Variants in KIF16B observed in about 807,000 individuals in gnomAD.
KIF16B encodes kinesin-like protein KIF16B.
A neutral mutation model predicts 156.3 loss-of-function variants in KIF16B; 98 were observed. The observed-to-expected ratio is 0.63, with a 90% CI of 0.53 to 0.74. The LOEUF is 0.74. KIF16B is among the 30% of genes least tolerant of loss of function. KIF16B has a pLI of 0.00. For missense variants in KIF16B, 1,421 were observed against 1,606.5 expected (o/e 0.88, Z 1.97); for synonymous variants, 564 against 583.7 (o/e 0.97, Z 0.49).
At chr20:16,353,926 T>C (rs1300539147) in intron 23 of KIF16B, among the ~76,000 whole-genome samples, 3 of 152,186 alleles carry the variant, frequency 2.0e-5, no homozygotes, top group Non-Finnish European at 4.4e-5. Flanking sequence ...CTCATAATTA[T>C]AGCACCTAGG....
At chr20:16,373,368 T>A (rs987138934) in intron 20 of KIF16B, among the ~76,000 whole-genome samples, 3 of 152,228 alleles carry the variant, frequency 2.0e-5, no homozygotes, top group African/African-American at 7.2e-5. Flanking sequence ...TATCTAGGGT[T>A]CAAGACTGTC....
chr20:16,528,286 C>T, intron 2 of KIF16B, 85 bp downstream of exon 2: 1 of 1,023,764 alleles, frequency 9.8e-7, no homozygotes, highest in Non-Finnish European at 1.5e-6. Context: ...AAACAGCAGA[C>T]AGGCTTTATT....
intron 23 of KIF16B, among the ~76,000 whole-genome samples, chr20:16,350,893 G>GT (rs940892598): frequency 1.5e-5 from 2 of 131,922 alleles, no homozygotes; most frequent in African/African-American, 7.8e-5. Context: ...GGTGGGCACT[G>GT]GGGGGGGGTC....
chr20:16,286,575 T>C (rs2063225769), intron 25 of KIF16B, among the ~76,000 whole-genome samples: 1 of 152,184 alleles, frequency 6.6e-6, no homozygotes, highest in African/African-American at 2.4e-5. Context: ...CTTTCTCCTA[T>C]ACTTATTCAT....
chr20:16,460,977 T>C (rs1029644366), intron 12 of KIF16B, among the ~76,000 whole-genome samples: 6 of 151,974 alleles, frequency 3.9e-5, no homozygotes, highest in African/African-American at 1.4e-4. Flanking sequence ...TAAATAGAAA[T>C]AAAATGTGTA....
At chr20:16,375,097 TA>T (rs2064914628) in intron 19 of KIF16B, among the ~76,000 whole-genome samples, 1 of 152,180 alleles carries the variant, frequency 6.6e-6, no homozygotes, top group African/African-American at 2.4e-5. Flanking sequence ...TGATAAGTGA[TA>T]CATCTATATG....
intron 3 of KIF16B, among the ~76,000 whole-genome samples, chr20:16,519,701 A>G (rs2069265591): frequency 6.6e-6 from 1 of 152,234 alleles, no homozygotes; most frequent in Admixed American, 6.5e-5. Flanking sequence ...AAACTGCAAG[A>G]AACAAGTACT....
chr20:16,283,829 C>T (rs922607821), intron 25 of KIF16B, among the ~76,000 whole-genome samples: 3 of 152,228 alleles, frequency 2.0e-5, no homozygotes, highest in African/African-American at 7.2e-5. Context: ...TGGGGAAGAA[C>T]CACTTCCAAA....
chr20:16,277,459 T>TTA (rs60624017), intron 25 of KIF16B, among the ~76,000 whole-genome samples: 25,627 of 143,744 alleles, frequency 0.18, 2,954 homozygotes, highest in East Asian at 0.46. Context: ...TATGTACATA[T>TTA]TATATATATA....
Position 16,444,915 on chromosome 20 carries a change from T to C in KIF16B, c.1303-14933A>G, listed in dbSNP as rs180677839. Among the ~76,000 whole-genome samples the C allele has an allele frequency of 2.8e-3, 434 of 152,362 alleles. 1 individual carries two copies. The highest frequency in any genetic ancestry group is 1.0e-2 in the African/African-American group (415 of 41,580). On this transcript the variant is annotated intron_variant, in intron 12 of 25. Coordinates refer to ENST00000354981, the MANE Select transcript of KIF16B (RefSeq NM_024704.5). ...AAAACCTTCCTTGAAGCTTCTATTC[T>C]AAATAAACTAAGTTCTTTACTGAAC...
Position 16,377,412 on chromosome 20 carries a change from A to AAAAT in KIF16B, c.3197+1389_3197+1392dup, listed in dbSNP as rs377190523. Among the ~76,000 whole-genome samples the AAAAT allele has an allele frequency of 3.8e-3, 570 of 151,352 alleles. 4 individuals are homozygous for AAAAT. The highest frequency in any genetic ancestry group is 0.011 in the African/African-American group (456 of 40,884). Reference sequence around the variant, plus strand: ...CCATCTCTAAAAAAATAAAATACATAAAATAAATAAATAAATAAATAAATA... The same window carrying AAAAT: ...CCATCTCTAAAAAAATAAAATACATAAAATAAATAAATAAATAAATAAATAAATA... On this transcript the variant is annotated intron_variant, in intron 19 of 25. Coordinates refer to ENST00000354981, the MANE Select transcript of KIF16B (RefSeq NM_024704.5).
rs1377292689 is a variant in KIF16B at position 16,511,421 on chromosome 20, C to T, written c.553G>A (p.Glu185Lys). The T allele has an allele frequency of 1.3e-6, 2 of 1,562,922 alleles. No homozygotes were observed. The highest frequency in any genetic ancestry group is 1.8e-6 in the Non-Finnish European group (2 of 1,142,108). Reference sequence around the variant, plus strand: ...GCTGTGAAATATCTACTCTTACCCTCAACATAAGGGCCTTCTTTGGGATGC... The same window carrying T: ...GCTGTGAAATATCTACTCTTACCCTTAACATAAGGGCCTTCTTTGGGATGC... ...REHPKEGPYV[E>K]DLSKHLVQNY... is the part of the protein sequence containing the mutation. Residue 185 changes from glutamate (E) to lysine (K), a missense_variant, in exon 6 of 26, where the codon GAG becomes AAG. Glu to Lys is a moderately conservative substitution (Grantham distance 56). Transcript: ENST00000354981.
rs777482045 is a variant in KIF16B at position 16,374,263 on chromosome 20, T to A, written c.3344A>T (p.Asp1115Val). The change falls in exon 20 of 26, where the codon GAT becomes GTT. Residue 1115 changes from aspartate to valine, a missense_variant. Asp to Val is a radical substitution (Grantham distance 152). Transcript: ENST00000354981. The stretch of plus-strand genomic sequence containing the variant: ...TCACTTTCATGTCCAGTACCTGGCA[T>A]CCATGAGGGGAACCAGGTGTGATTT... Reference protein sequence around the residue: ...AEKSHLVPLMDARINAYIEEE... With the variant: ...AEKSHLVPLMVARINAYIEEE... 7.6e-6 allele frequency: 12 copies of A among 1,572,728 alleles called. No homozygotes were observed. The highest frequency in any genetic ancestry group is 1.4e-5 in the African/African-American group (1 of 73,690).
intron 10 of KIF16B, among the ~76,000 whole-genome samples, chr20:16,499,160 G>A (rs1379538814): frequency 1.3e-5 from 2 of 152,062 alleles, no homozygotes; most frequent in Admixed American, 1.3e-4. Context: ...ACCCACCCTG[G>A]TTAGAAGCCC....
chr20:16,528,356 C>T lies in KIF16B; in HGVS notation c.117+15G>A, dbSNP rs2069625713. The T allele has an allele frequency of 1.2e-6, 2 of 1,606,038 alleles. No individual in the cohort carries two copies. The highest frequency in any genetic ancestry group is 1.7e-6 in the Non-Finnish European group (2 of 1,172,910). ...GGGGCTCTTGGAACTTAAGCAAGGCCAGGTCATGACTTGCCTTTAAGTTTG... is the reference window on the plus strand; with the variant it reads ...GGGGCTCTTGGAACTTAAGCAAGGCTAGGTCATGACTTGCCTTTAAGTTTG... On this transcript the variant is annotated intron_variant, in intron 2 of 25. Coordinates refer to ENST00000354981, the MANE Select transcript of KIF16B (RefSeq NM_024704.5).
At chr20:16,427,692 G>A (rs2066392255) in intron 14 of KIF16B, among the ~76,000 whole-genome samples, 1 of 152,054 alleles carries the variant, frequency 6.6e-6, no homozygotes, top group Admixed American at 6.6e-5. Flanking sequence ...CTGCACTCCA[G>A]GAGCAGAAAC....
intron 24 of KIF16B, among the ~76,000 whole-genome samples, chr20:16,314,685 T>G (rs2063670568): frequency 1.3e-5 from 2 of 152,182 alleles, no homozygotes; most frequent in Admixed American, 1.3e-4. Context: ...CCGTGAAGAT[T>G]TAGTGACTGG....
rs115778896 is a variant in KIF16B, at chr20:16,304,015, C to T, written c.3795+8320G>A. 1.9e-3 allele frequency among the ~76,000 whole-genome samples: 289 copies of T among 152,282 alleles called. 2 individuals carry two copies. Among genetic ancestry groups the T allele is most frequent in the African/African-American group, 6.7e-3 (277 of 41,574 alleles). Reference sequence around the variant, plus strand: ...GGAGCCCAAAGATGGAGAACAACTTCGGCTCATAGGGTGTTTTGATTCCCT... The same window carrying T: ...GGAGCCCAAAGATGGAGAACAACTTTGGCTCATAGGGTGTTTTGATTCCCT... On this transcript the variant is annotated intron_variant, in intron 25 of 25. Transcript: ENST00000354981.
At chr20:16,410,240 G>GGT (rs556724867) in intron 15 of KIF16B, among the ~76,000 whole-genome samples, 1 of 136,624 alleles carries the variant, frequency 7.3e-6, no homozygotes, top group South Asian at 2.4e-4. Context: ...CATATATGTA[G>GGT]GTACATATAT....
Sources: allele counts gnomAD v4.1 joint callset (sites outside exome capture counted in the v4.1 genomes callset), GRCh38; gene constraint gnomAD v4.1.1; transcripts MANE v1.5; gene names NCBI Gene and HGNC (gene_info 2026-07-23, HGNC 2026-07-21).